Variants in MRPL13 observed in about 807,000 individuals in gnomAD.
The protein encoded by MRPL13 is large ribosomal subunit protein uL13m.
In MRPL13, 33 loss-of-function variants were observed where a neutral mutation model predicts 29.0. The observed-to-expected ratio is 1.14, with a 90% CI of 0.86 to 1.52. The LOEUF (loss-of-function observed/expected upper bound fraction) is 1.52. Among genes scored for constraint, MRPL13 ranks in the 40% most tolerant of loss-of-function variants. MRPL13 has a pLI of 0.00. For synonymous variants in MRPL13, 77 were observed against 68.4 expected (o/e 1.13, Z -0.62); for missense variants, 227 against 216.7 (o/e 1.05, Z -0.30).
intron 3 of MRPL13, among the ~76,000 whole-genome samples, chr8:120,427,638 A>G (rs1812945841): frequency 6.6e-6 from 1 of 152,116 alleles, no homozygotes; most frequent in Non-Finnish European, 1.5e-5. Flanking sequence ...AAAGATCTCT[A>G]TAATGAGAAC....
At chr8:120,437,956 T>G (rs1264166388) in intron 2 of MRPL13, among the ~76,000 whole-genome samples, 1 of 152,210 alleles carries the variant, frequency 6.6e-6, no homozygotes, top group Non-Finnish European at 1.5e-5. Context: ...AATGTTAGAA[T>G]GAACTCTTAA....
chr8:120,441,034 T>C (rs1213851467), intron 2 of MRPL13, among the ~76,000 whole-genome samples: 5 of 152,066 alleles, frequency 3.3e-5, no homozygotes, highest in Admixed American at 1.3e-4. Context: ...TGTATATATA[T>C]ATGTACTTTT....
At chr8:120,406,712 T>C (rs1812672705) in intron 6 of MRPL13, among the ~76,000 whole-genome samples, 1 of 151,816 alleles carries the variant, frequency 6.6e-6, no homozygotes, top group Non-Finnish European at 1.5e-5. Flanking sequence ...AGACGAAAGT[T>C]TTAAATTTTC....
At chr8:120,397,080 C>A (rs1322838135) in intron 6 of MRPL13, among the ~76,000 whole-genome samples, 2 of 152,156 alleles carry the variant, frequency 1.3e-5, no homozygotes, top group Admixed American at 6.5e-5. Context: ...AACCCCCACT[C>A]CCAGCCACGG....
chr8:120,435,050 C>T (rs1813037843), intron 2 of MRPL13, among the ~76,000 whole-genome samples: 1 of 152,142 alleles, frequency 6.6e-6, no homozygotes, highest in Non-Finnish European at 1.5e-5. Flanking sequence ...CAGATAGAGA[C>T]ACCAATTCAG....
chr8:120,398,936 A>AAC (rs113704349), intron 6 of MRPL13, among the ~76,000 whole-genome samples: 1,655 of 149,376 alleles, frequency 0.011, 14 homozygotes, highest in South Asian at 0.022. Flanking sequence ...CACACACACA[A>AAC]ACACACACAC....
intron 2 of MRPL13, among the ~76,000 whole-genome samples, chr8:120,440,295 T>C (rs1586929363): frequency 6.6e-6 from 1 of 152,172 alleles, no homozygotes; most frequent in Non-Finnish European, 1.5e-5. Context: ...AAAGAATATC[T>C]AGGCAGAGGG....
intron 3 of MRPL13, among the ~76,000 whole-genome samples, chr8:120,425,762 G>T (rs1376002771): frequency 6.6e-6 from 1 of 152,068 alleles, no homozygotes; most frequent in African/African-American, 2.4e-5. Flanking sequence ...GGAAAATGTT[G>T]GTAGTCCACT....
intron 3 of MRPL13, among the ~76,000 whole-genome samples, chr8:120,431,586 T>C (rs1812997115): frequency 6.6e-6 from 1 of 152,186 alleles, no homozygotes; most frequent in South Asian, 2.1e-4. Flanking sequence ...AGTCACGTTG[T>C]ATTTGGAAAC....
intron 4 of MRPL13, among the ~76,000 whole-genome samples, chr8:120,422,618 T>G (rs899042359): frequency 6.7e-6 from 1 of 148,650 alleles, no homozygotes; most frequent in African/African-American, 2.4e-5. Flanking sequence ...ATATATAAAC[T>G]TATATATTTA....
At chr8:120,396,759 A>G (rs920752895) in intron 6 of MRPL13, among the ~76,000 whole-genome samples, 68 of 152,350 alleles carry the variant, frequency 4.5e-4, no homozygotes, top group African/African-American at 1.6e-3. Flanking sequence ...AGGAAATTAT[A>G]AAATGCAAAC....
chr8:120,403,203 G>A (rs893673293), intron 6 of MRPL13, among the ~76,000 whole-genome samples: 8 of 152,142 alleles, frequency 5.3e-5, no homozygotes, highest in Non-Finnish European at 1.0e-4. Context: ...GCATGTGTAT[G>A]TTCATTGCAG....
intron 2 of MRPL13, among the ~76,000 whole-genome samples, chr8:120,438,284 T>C (rs1318723814): frequency 6.6e-6 from 1 of 152,188 alleles, no homozygotes; most frequent in East Asian, 1.9e-4. Flanking sequence ...GAGGCTGCAC[T>C]GAGCTGTGAT....
chr8:120,399,158 C>T (rs921477654), intron 6 of MRPL13, among the ~76,000 whole-genome samples: 3 of 152,128 alleles, frequency 2.0e-5, no homozygotes, highest in Non-Finnish European at 4.4e-5. Flanking sequence ...CAGTAAGGTA[C>T]TCCATGAGAA....
chr8:120,443,617 C>CT (rs80023422), intron 1 of MRPL13, among the ~76,000 whole-genome samples: 2,979 of 137,172 alleles, frequency 0.022, 58 homozygotes, highest in African/African-American at 0.051. Flanking sequence ...TACGGTATGA[C>CT]TTTTTTTTTT....
intron 4 of MRPL13, among the ~76,000 whole-genome samples, chr8:120,422,923 G>A (rs1051964616): frequency 1.3e-5 from 2 of 151,862 alleles, no homozygotes; most frequent in African/African-American, 4.8e-5. Flanking sequence ...AGGTACATGA[G>A]CCTACCAAGT....
chr8:120,414,221 A>G, intron 5 of MRPL13, 109 bp from the exon 6 acceptor site: 1 of 858,366 alleles, frequency 1.2e-6, no homozygotes, highest in Non-Finnish European at 1.6e-6. Context: ...TGCTCGTAGA[A>G]TAAGGAAAAC....
At position 120,395,950 on chromosome 8, in the gene MRPL13, G is replaced by A. The variant is rs969900477; in HGVS notation, c.*154C>T. The A allele has an allele frequency of 8.8e-6, 5 of 567,410 alleles. No homozygotes were observed. Among genetic ancestry groups the A allele is most frequent in the Non-Finnish European group, 1.6e-5 (5 of 317,784 alleles). 35.1% of individuals were successfully genotyped at this position (567,410 alleles called of 1,614,324 possible). A position where few individuals can be genotyped will look rare whatever the true frequency, so the allele number is the denominator to read the frequency against. On this transcript the variant is annotated 3_prime_UTR_variant, in exon 7 of 7. Coordinates refer to ENST00000306185, the MANE Select transcript of MRPL13 (RefSeq NM_014078.6). ...ATTTTAATTACAATTTCCTATTGAA[G>A]GACTATACCTTCCTGACCTTTCCCC...
At chr8:120,412,408 A>G (rs947059451) in intron 6 of MRPL13, among the ~76,000 whole-genome samples, 1 of 152,196 alleles carries the variant, frequency 6.6e-6, no homozygotes, top group African/African-American at 2.4e-5. Flanking sequence ...CTTAGTCAAC[A>G]CTTCAAGTGT....
Sources: gnomAD v4.1 joint callset for allele counts (sites outside exome capture counted in the v4.1 genomes callset) on GRCh38, gnomAD v4.1.1 for gene constraint, MANE v1.5 for transcripts, NCBI Gene and HGNC (gene_info 2026-07-23, HGNC 2026-07-21) for gene names.